Variants in GPC6 observed in about 807,000 individuals in gnomAD.
GPC6 encodes the protein glypican 6, also known as glypican-6.
In GPC6, 14 loss-of-function variants were observed where a neutral mutation model predicts 55.2. That is an observed-to-expected ratio of 0.25 (90% CI 0.17 to 0.40). The LOEUF (loss-of-function observed/expected upper bound fraction) is 0.40. Ranked by LOEUF, GPC6 falls within the 10% of genes least tolerant of loss-of-function variation. GPC6 has a pLI of 1.00. For synonymous variants in GPC6, 278 were observed against 259.6 expected (o/e 1.07, Z -0.68); for missense variants, 641 against 708.5 (o/e 0.90, Z 1.08).
chr13:93,992,813 T>C (rs1412069945), intron 3 of GPC6, among the ~76,000 whole-genome samples: 4 of 152,204 alleles, frequency 2.6e-5, no homozygotes, highest in Non-Finnish European at 5.9e-5. Context: ...GGACGGTGTA[T>C]AGAAAATTTA....
intron 2 of GPC6, among the ~76,000 whole-genome samples, chr13:93,765,879 CT>C (rs1269920678): frequency 6.6e-6 from 1 of 152,034 alleles, no homozygotes; most frequent in Non-Finnish European, 1.5e-5. Flanking sequence ...GAAAGTTAAC[CT>C]TTTGATATCA....
intron 2 of GPC6, among the ~76,000 whole-genome samples, chr13:93,685,124 G>A (rs189408463): frequency 2.6e-5 from 4 of 152,226 alleles, no homozygotes; most frequent in Admixed American, 6.5e-5. Flanking sequence ...TATTTTAATT[G>A]CAAAAGTCTA....
At chr13:94,070,525 G>A in intron 4 of GPC6, among the ~76,000 whole-genome samples, 1 of 152,240 alleles carries the variant, frequency 6.6e-6, no homozygotes, top group East Asian at 1.9e-4. Flanking sequence ...GATGGAAATG[G>A]GTCTGGGAAC....
chr13:94,006,702 A>G (rs1882033171), intron 3 of GPC6, among the ~76,000 whole-genome samples: 1 of 152,168 alleles, frequency 6.6e-6, no homozygotes, highest in African/African-American at 2.4e-5. Flanking sequence ...TCTAGGCGCC[A>G]CCAACTATGA....
chr13:93,914,912 C>T (rs779082285), intron 3 of GPC6, among the ~76,000 whole-genome samples: 5 of 152,170 alleles, frequency 3.3e-5, no homozygotes, highest in Non-Finnish European at 4.4e-5. Context: ...ATTTTCAAGA[C>T]GCTTTTTCAC....
At chr13:93,574,259 A>G (rs1876552402) in intron 2 of GPC6, among the ~76,000 whole-genome samples, 1 of 152,180 alleles carries the variant, frequency 6.6e-6, no homozygotes, top group Non-Finnish European at 1.5e-5. Flanking sequence ...ATACTGGAGC[A>G]AAGTTAATCC....
chr13:93,700,096 C>A (rs1419851380), intron 2 of GPC6, among the ~76,000 whole-genome samples: 2 of 152,034 alleles, frequency 1.3e-5, no homozygotes, highest in Non-Finnish European at 2.9e-5. Flanking sequence ...GCTCTTAATA[C>A]TATATTAAGT....
intron 2 of GPC6, among the ~76,000 whole-genome samples, chr13:93,712,162 C>T (rs1730499903): frequency 6.6e-6 from 1 of 151,718 alleles, no homozygotes; most frequent in African/African-American, 2.4e-5. Flanking sequence ...TCATGTCTTT[C>T]ATATAGCAGC....
intron 3 of GPC6, among the ~76,000 whole-genome samples, chr13:93,958,319 G>C (rs892420940): frequency 6.6e-6 from 1 of 152,126 alleles, no homozygotes; most frequent in African/African-American, 2.4e-5. Context: ...TTTCTTCTAA[G>C]ATTTTTATAG....
chr13:94,036,562 A>C (rs1883340615), intron 4 of GPC6, among the ~76,000 whole-genome samples: 1 of 152,002 alleles, frequency 6.6e-6, no homozygotes, highest in Admixed American at 6.6e-5. Context: ...CACCACTAAA[A>C]TCTCAAGGCT....
intron 4 of GPC6, among the ~76,000 whole-genome samples, chr13:94,239,820 T>C (rs1404513766): frequency 7.2e-5 from 11 of 152,146 alleles, no homozygotes; most frequent in Admixed American, 7.2e-4. Context: ...GGCGAGAGTG[T>C]TCGGCTCTCA....
chr13:94,307,576 G>A (rs1352340294), intron 6 of GPC6, among the ~76,000 whole-genome samples: 2 of 152,198 alleles, frequency 1.3e-5, no homozygotes, highest in South Asian at 2.1e-4. Context: ...ACCTCCCAAA[G>A]TGCTGGGATT....
In GPC6 at chr13:94,040,442, A is replaced by G. The variant is rs184209867; in HGVS notation, c.877+12548A>G. ...TACCAGTGACGTTTTTTGAATCCCA[A>G]ATTGCCAAGTTACTGATTTAAGAAT... is the stretch of plus-strand genomic sequence containing the variant. On this transcript the variant is annotated intron_variant, in intron 4 of 8. Transcript: ENST00000377047. Among the ~76,000 whole-genome samples, 3 of 151,964 alleles carry G rather than the reference A, an allele frequency of 2.0e-5. No homozygotes were observed. In the East Asian group the frequency reaches 5.8e-4, roughly 29 times the overall value.
chr13:94,144,986 C>T (rs61962340), intron 4 of GPC6, among the ~76,000 whole-genome samples: 27,687 of 151,930 alleles, frequency 0.18, 2,829 homozygotes, highest in Non-Finnish European at 0.23. Flanking sequence ...GACCTTATTG[C>T]TTATGGGCAA....
At chr13:93,313,580 C>T (rs1354051615) in intron 1 of GPC6, among the ~76,000 whole-genome samples, 3 of 152,150 alleles carry the variant, frequency 2.0e-5, no homozygotes, top group Non-Finnish European at 4.4e-5. Flanking sequence ...TTCCTATCCA[C>T]TCCGGTGTAA....
intron 3 of GPC6, among the ~76,000 whole-genome samples, chr13:93,854,456 T>G (rs1888528127): frequency 6.6e-6 from 1 of 151,770 alleles, no homozygotes; most frequent in South Asian, 2.1e-4. Flanking sequence ...CAAATCACAC[T>G]TGTTTCTTAA....
intron 2 of GPC6, among the ~76,000 whole-genome samples, chr13:93,771,472 G>C (rs567718400): frequency 6.6e-6 from 1 of 152,220 alleles, no homozygotes; most frequent in South Asian, 2.1e-4. Context: ...CACTCTGCAG[G>C]TTAGCTTTAT....
At chr13:94,112,567 C>A (rs1886287498) in intron 4 of GPC6, among the ~76,000 whole-genome samples, 1 of 152,164 alleles carries the variant, frequency 6.6e-6, no homozygotes, top group Admixed American at 6.5e-5. Context: ...ACCTAAAGGA[C>A]AGTGACAGCC....
intron 4 of GPC6, among the ~76,000 whole-genome samples, chr13:94,209,079 A>ATTTT (rs1210256621): frequency 1.1e-3 from 170 of 152,308 alleles, no homozygotes; most frequent in African/African-American, 3.7e-3. Flanking sequence ...AGGTATGTGT[A>ATTTT]ATATTTTATT....
Sources: allele counts gnomAD v4.1 joint callset (sites outside exome capture counted in the v4.1 genomes callset), GRCh38; gene constraint gnomAD v4.1.1; transcripts MANE v1.5; gene names NCBI Gene and HGNC (gene_info 2026-07-23, HGNC 2026-07-21).